Variants in RRN3 observed in about 807,000 individuals in gnomAD.
The protein encoded by RRN3 is RNA polymerase I-specific transcription initiation factor RRN3.
A neutral mutation model predicts 82.3 loss-of-function variants in RRN3; 38 were observed. The ratio of observed to expected loss-of-function variants is 0.46; its 90% confidence interval spans 0.36 to 0.61. RRN3 has a LOEUF of 0.61. RRN3 is among the 20% of genes least tolerant of loss of function. The probability of loss-of-function intolerance (pLI) is 0.00; values close to 1 mark genes in which losing one functional copy is unlikely to be tolerated. For missense variants in RRN3, 726 were observed against 793.1 expected (o/e 0.92, Z 1.02); for synonymous variants, 284 against 284.3 (o/e 1.00, Z 0.01).
chr16:15,083,344 A>G (rs1295288777), intron 8 of RRN3, among the ~76,000 whole-genome samples, 169 bp downstream of exon 8: 1 of 152,198 alleles, frequency 6.6e-6, no homozygotes, highest in Non-Finnish European at 1.5e-5. Flanking sequence ...GGTTGCAGTG[A>G]GCCAAGATGA....
intron 2 of RRN3, among the ~76,000 whole-genome samples, chr16:15,091,699 T>TA (rs1290115176): frequency 1.3e-5 from 2 of 152,208 alleles, no homozygotes; most frequent in African/African-American, 4.8e-5. Flanking sequence ...CAGGAGGATC[T>TA]AAAAAAGTAT....
chr16:15,069,939 T>G lies in RRN3; in HGVS notation c.1444+131A>C. 2.9e-6 allele frequency: 4 copies of G among 1,367,316 alleles called. No individual in the cohort carries two copies. The South Asian group carries it at 5.3e-5, about 18-fold the overall frequency. The allele number at this position is 1,367,316 out of a possible 1,614,324, so 84.7% of individuals were successfully genotyped here. On this transcript the variant is annotated intron_variant, in intron 14 of 17. Transcript: ENST00000198767. Reference sequence around the variant, plus strand: ...CCTATGAGCTGCTTGAAATTATTATTAAAAGTTTGAGTGCACATGCAGTTT... The same window carrying G: ...CCTATGAGCTGCTTGAAATTATTATGAAAAGTTTGAGTGCACATGCAGTTT...
At chr16:15,093,327 G>A (rs1598027171) in intron 1 of RRN3, among the ~76,000 whole-genome samples, 2 of 152,212 alleles carry the variant, frequency 1.3e-5, no homozygotes, top group South Asian at 4.1e-4. Context: ...TCATTCAAGT[G>A]GAAGCTCAAA....
Position 15,061,684 on chromosome 16 carries a change from G to A in RRN3, c.*60C>T. ...TGCCCAATGGCACAAGCTGGGTGCT[G>A]AGGGCATGACAAGTGATGGGGAATC... On this transcript the variant is annotated 3_prime_UTR_variant, in exon 18 of 18. Coordinates refer to ENST00000198767, the MANE Select transcript of RRN3 (RefSeq NM_018427.5). The A allele has an allele frequency of 2.0e-6, 3 of 1,520,364 alleles. No individual in the cohort carries two copies. Among genetic ancestry groups the A allele is most frequent in the Admixed American group, 1.7e-5 (1 of 58,470 alleles). 94.2% of individuals were successfully genotyped at this position (1,520,364 alleles called of 1,614,324 possible).
chr16:15,071,778 C>G (rs1470749079), intron 12 of RRN3, among the ~76,000 whole-genome samples: 1 of 152,080 alleles, frequency 6.6e-6, no homozygotes, highest in Admixed American at 6.6e-5. Context: ...AAAAAACAAA[C>G]AAACAAAAAA....
At chr16:15,083,270 G>A (rs957556622) in intron 8 of RRN3, among the ~76,000 whole-genome samples, 3 of 152,126 alleles carry the variant, frequency 2.0e-5, no homozygotes, top group African/African-American at 7.2e-5. Context: ...ATGGTGGTAG[G>A]CGCCTGCAGT....
At chr16:15,070,366 T>G (rs947288528) in intron 13 of RRN3, 112 bp from the exon 14 acceptor site, 1 of 718,592 alleles carries the variant, frequency 1.4e-6, no homozygotes, top group Non-Finnish European at 2.3e-6. Flanking sequence ...TTCATAGGTT[T>G]CTTTAAATAA....
At chr16:15,066,794 C>T (rs1316079990) in intron 15 of RRN3, among the ~76,000 whole-genome samples, 3 of 151,530 alleles carry the variant, frequency 2.0e-5, no homozygotes, top group Non-Finnish European at 4.4e-5. Flanking sequence ...GCAACAGCTA[C>T]AGAATGGTAC....
chr16:15,062,071 C>A, intron 17 of RRN3, among the ~76,000 whole-genome samples, 166 bp from the exon 18 acceptor site: 1 of 152,156 alleles, frequency 6.6e-6, no homozygotes, highest in East Asian at 1.9e-4. Context: ...CCCAGCTACT[C>A]AGGAGGTGGA....
chr16:15,089,879 T>C (rs2046062230), intron 3 of RRN3, among the ~76,000 whole-genome samples: 1 of 146,280 alleles, frequency 6.8e-6, no homozygotes, highest in African/African-American at 2.5e-5. Flanking sequence ...TGGCCAACAG[T>C]GTCGGCTGAT....
At chr16:15,065,521 T>C in intron 15 of RRN3, 150 bp from the exon 16 acceptor site, 1 of 622,726 alleles carries the variant, frequency 1.6e-6, no homozygotes, top group East Asian at 2.8e-5. Context: ...AAGCAGAAAG[T>C]AACACTTTTA....
intron 14 of RRN3, among the ~76,000 whole-genome samples, 200 bp from the exon 15 acceptor site, chr16:15,068,477 G>A (rs2151768678): frequency 6.6e-6 from 1 of 152,240 alleles, no homozygotes; most frequent in East Asian, 1.9e-4. Context: ...CACATTCATT[G>A]GTCACCAAGG....
chr16:15,074,636 T>C, intron 11 of RRN3, 87 bp downstream of exon 11: 1 of 940,962 alleles, frequency 1.1e-6, no homozygotes, highest in East Asian at 2.8e-5. Context: ...GGATTTTTAG[T>C]ATTACTAGAG....
intron 10 of RRN3, 112 bp from the exon 11 acceptor site, chr16:15,074,973 G>A: frequency 8.8e-7 from 1 of 1,130,062 alleles, no homozygotes. Flanking sequence ...AAAGAGGCTG[G>A]GGAAAGCGGC....
In RRN3 at chr16:15,061,557, GAAC is replaced by G. The variant is rs926536932; in HGVS notation, c.*184_*186del. On this transcript the variant is annotated 3_prime_UTR_variant, in exon 18 of 18. Transcript: ENST00000198767. Reference sequence around the variant, plus strand: ...ATAGTCTTCATTTTGTCTGTAAGGGGAACAACAACAACAAAAAAACCCAGTCTT... The same window carrying G: ...ATAGTCTTCATTTTGTCTGTAAGGGGAACAACAACAAAAAAACCCAGTCTT... 124 of 488,342 alleles carry G rather than the reference GAAC, an allele frequency of 2.5e-4. No individual in the cohort carries two copies. In the East Asian group the frequency reaches 3.1e-3, roughly 12 times the overall value. 30.3% of individuals were successfully genotyped at this position (488,342 alleles called of 1,614,324 possible).
chr16:15,065,114 C>T (rs956307336), intron 16 of RRN3, 105 bp downstream of exon 16: 14 of 1,186,310 alleles, frequency 1.2e-5, no homozygotes, highest in Middle Eastern at 2.0e-4. Flanking sequence ...TGCGGTAAGC[C>T]GAGATCACAC....
In RRN3 at chr16:15,080,087, C is replaced by T. The variant is rs774898397; in HGVS notation, c.676G>A (p.Val226Ile). The T allele has an allele frequency of 5.6e-6, 9 of 1,595,872 alleles. No individual in the cohort carries two copies. The highest frequency in any genetic ancestry group is 1.7e-4 in the Middle Eastern group (1 of 5,960). The change falls in exon 9 of 18, where the codon GTT becomes ATT. Residue 226 changes from valine to isoleucine, a missense_variant. Val to Ile is a conservative substitution (Grantham distance 29). Coordinates refer to ENST00000198767, the MANE Select transcript of RRN3 (RefSeq NM_018427.5). ...RKSERTLECY[V>I]HNLLRISVYF... ...ACACTAATCCTTAGTAAGTTATGAA[C>T]GTAACATTCCTAAAGGAGAAAATGT...
Position 15,087,025 on chromosome 16 carries a change from G to A in RRN3, c.253-571C>T, listed in dbSNP as rs542727783. Among the ~76,000 whole-genome samples the A allele has an allele frequency of 7.9e-5, 12 of 152,280 alleles. No individual in the cohort carries two copies. The East Asian group carries it at 2.3e-3, about 29-fold the overall frequency. On this transcript the variant is annotated intron_variant, in intron 3 of 17. Transcript: ENST00000198767. ...TCGGGCAATCAAATTACTGTTCATA[G>A]TAATTGTTAGTGACATGAGAAGAAC...
rs747618685 is a variant in RRN3 at position 15,071,121 on chromosome 16, A to G, written c.1259T>C (p.Ile420Thr). The change falls in exon 13 of 18, where the codon ATT (isoleucine) becomes ACT (threonine). Residue 420 changes from isoleucine (I) to threonine (T), a missense_variant and splice_region_variant. Ile to Thr is a moderately conservative substitution (Grantham distance 89). Around this residue, in one of 4 missense-constraint regions of RRN3, gnomAD observed 81 missense variants for 156.4 expected, o/e 0.52. Transcript: ENST00000198767. ...GTATTCGGAAAATTAGGCTACTTAC[A>G]TAAGAGGAATAAATTTAGCTCTTGC... ...FLARAKFIPL[I>T]TVKSCLDLLV... is the part of the protein sequence containing the mutation. 5 of 1,606,298 alleles carry G rather than the reference A, an allele frequency of 3.1e-6. No individual in the cohort carries two copies. Among genetic ancestry groups the G allele is most frequent in the East Asian group, 2.2e-5 (1 of 44,840 alleles).
Sources: gnomAD v4.1 joint callset for allele counts (sites outside exome capture counted in the v4.1 genomes callset) on GRCh38, gnomAD v4.1.1 for gene constraint, gnomAD v4.1.1 regional missense constraint, MANE v1.5 for transcripts, NCBI Gene and HGNC (gene_info 2026-07-23, HGNC 2026-07-21) for gene names.